The following TBCEL variants were observed in gnomAD, a reference collection of about 807,000 sequenced individuals.
The protein encoded by TBCEL is tubulin-specific chaperone cofactor E-like protein.
Under a neutral mutation model 44.2 loss-of-function variants are expected in TBCEL, and 15 were observed. The ratio of observed to expected loss-of-function variants is 0.34; its 90% CI spans 0.23 to 0.52. TBCEL has a LOEUF of 0.52. Ranked by LOEUF, TBCEL falls within the 20% of genes least tolerant of loss-of-function variation. TBCEL has a pLI of 0.95. For missense variants in TBCEL, 319 were observed against 506.3 expected (o/e 0.63, Z 3.55); for synonymous variants, 171 against 185.4 (o/e 0.92, Z 0.63).
intron 1 of TBCEL, among the ~76,000 whole-genome samples, chr11:121,032,774 C>T (rs1945167263): frequency 6.6e-6 from 1 of 152,208 alleles, no homozygotes; most frequent in African/African-American, 2.4e-5. Flanking sequence ...AGAGCTGAAA[C>T]AAGAAGGCGT....
intron 8 of TBCEL, among the ~76,000 whole-genome samples, chr11:121,083,118 T>C (rs904300214): frequency 2.6e-5 from 4 of 152,214 alleles, no homozygotes; most frequent in African/African-American, 4.8e-5. Flanking sequence ...CAGGAAGGCC[T>C]ACCAGGAGGA....
intron 8 of TBCEL, among the ~76,000 whole-genome samples, chr11:121,085,084 G>C (rs1946191447): frequency 6.6e-6 from 1 of 151,554 alleles, no homozygotes; most frequent in Non-Finnish European, 1.5e-5. Flanking sequence ...TGTCACCCAG[G>C]CTGGAGTGCA....
rs1946251610 is a variant in TBCEL, at chr11:121,088,693, C to A, written c.*1597C>A. On this transcript the variant is annotated 3_prime_UTR_variant, in exon 9 of 9. Coordinates refer to ENST00000683345, the MANE Select transcript of TBCEL (RefSeq NM_001363644.2). ...ATTTTTAGGTGACTTGTAAATTCTT[C>A]ATGTATGAGGAGTTGTGTTTATTAA... is the stretch of plus-strand genomic sequence containing the variant. The A allele has an allele frequency of 6.6e-6, 1 of 152,104 alleles. No individual in the cohort carries two copies. The highest frequency in any genetic ancestry group is 1.5e-5 in the Non-Finnish European group (1 of 68,018). 9.4% of individuals were successfully genotyped at this position (152,104 alleles called of 1,614,324 possible).
chr11:121,060,393 C>T (rs1945700111), intron 8 of TBCEL, among the ~76,000 whole-genome samples: 1 of 151,796 alleles, frequency 6.6e-6, no homozygotes, highest in Admixed American at 6.6e-5. Flanking sequence ...CTTTGGGGTA[C>T]ATTTTTACCT....
At chr11:121,085,899 G>A (rs1340123031) in intron 8 of TBCEL, among the ~76,000 whole-genome samples, 1 of 152,154 alleles carries the variant, frequency 6.6e-6, no homozygotes, top group African/African-American at 2.4e-5. Context: ...GGAGGAAGTA[G>A]GGGGATAATT....
intron 8 of TBCEL, among the ~76,000 whole-genome samples, chr11:121,082,402 T>C (rs543392202): frequency 3.9e-5 from 6 of 152,352 alleles, no homozygotes; most frequent in African/African-American, 1.4e-4. Context: ...TTCTGGTGCT[T>C]TGAGTCTCTC....
intron 4 of TBCEL, among the ~76,000 whole-genome samples, chr11:121,051,429 A>G (rs17245803): frequency 6.6e-6 from 1 of 151,726 alleles, no homozygotes. Context: ...TTCGTGCTTT[A>G]GTTGGAGCAT....
At chr11:121,074,766 C>A (rs148494619) in intron 8 of TBCEL, among the ~76,000 whole-genome samples, 6 of 152,092 alleles carry the variant, frequency 3.9e-5, no homozygotes, top group Non-Finnish European at 7.4e-5. Context: ...CACCACTGAT[C>A]TGTTTTCTGT....
intron 2 of TBCEL, among the ~76,000 whole-genome samples, chr11:121,039,928 A>G (rs572503606): frequency 2.6e-5 from 4 of 152,312 alleles, no homozygotes; most frequent in African/African-American, 9.6e-5. Flanking sequence ...TCGTTGTACA[A>G]ATGGGTCCTT....
intron 6 of TBCEL, among the ~76,000 whole-genome samples, chr11:121,056,874 A>G (rs1375477646): frequency 1.3e-5 from 2 of 151,756 alleles, no homozygotes; most frequent in Admixed American, 6.6e-5. Context: ...TATATTTTGA[A>G]TAACAGTTCT....
In TBCEL at chr11:121,041,911, C is replaced by CAA. The variant is rs201192130; in HGVS notation, c.-17-3747_-17-3746dup. On this transcript the variant is annotated intron_variant, in intron 2 of 8. Transcript: ENST00000683345. ...AAGGTACTTGGTGTTGCTTTTCAGT[C>CAA]AAAAAAAAAAAAAAAAAGAAGTCTT... is the stretch of plus-strand genomic sequence containing the variant. Among the ~76,000 whole-genome samples, 646 of 84,986 alleles carry CAA rather than the reference C, an allele frequency of 7.6e-3. 4 individuals carry two copies. Among genetic ancestry groups the CAA allele is most frequent in the Middle Eastern group, 0.036 (5 of 140 alleles). The allele number at this position is 84,986 out of a possible 152,430, so 55.8% of individuals were successfully genotyped here. A position where few individuals can be genotyped will look rare whatever the true frequency, so the allele number is the denominator to read the frequency against.
chr11:121,046,661 T>C (rs147699760), intron 3 of TBCEL, among the ~76,000 whole-genome samples: 1 of 152,190 alleles, frequency 6.6e-6, no homozygotes, highest in Non-Finnish European at 1.5e-5. Flanking sequence ...ACCATGTAAT[T>C]TGAGGTCTCC....
At chr11:121,037,398 A>T (rs1340425767) in intron 2 of TBCEL, among the ~76,000 whole-genome samples, 3 of 152,232 alleles carry the variant, frequency 2.0e-5, no homozygotes, top group African/African-American at 7.2e-5. Context: ...CATAATGCTC[A>T]AGGGTAATAA....
chr11:121,083,428 C>T (rs1327695633), intron 8 of TBCEL, among the ~76,000 whole-genome samples: 1 of 152,188 alleles, frequency 6.6e-6, no homozygotes, highest in Non-Finnish European at 1.5e-5. Flanking sequence ...ATACGAAAGA[C>T]TAGAAGAGAA....
intron 6 of TBCEL, chr11:121,057,666 C>T: frequency 2.2e-6 from 1 of 450,654 alleles, no homozygotes; most frequent in Non-Finnish European, 4.4e-6. Context: ...TCATTATTCC[C>T]TAAACAATAC....
At chr11:121,081,830 A>G (rs974663144) in intron 8 of TBCEL, among the ~76,000 whole-genome samples, 4 of 151,700 alleles carry the variant, frequency 2.6e-5, no homozygotes, top group African/African-American at 9.7e-5. Flanking sequence ...TTAAGGGAAC[A>G]TATATATATA....
At chr11:121,047,091 A>T (rs556826084) in intron 3 of TBCEL, among the ~76,000 whole-genome samples, 14 of 152,186 alleles carry the variant, frequency 9.2e-5, no homozygotes, top group African/African-American at 3.4e-4. Context: ...AAAGATAAAG[A>T]TACACATCAG....
rs745402184 is a variant in TBCEL at position 121,087,784 on chromosome 11, A to G, written c.*688A>G. On this transcript the variant is annotated 3_prime_UTR_variant, in exon 9 of 9. Coordinates refer to ENST00000683345, the MANE Select transcript of TBCEL (RefSeq NM_001363644.2). ...TTAGAACCTCGAAGAGTAGATGTAGAATGAAAACTCCAGGAAAACTTGCAG... is the reference window on the plus strand; with the variant it reads ...TTAGAACCTCGAAGAGTAGATGTAGGATGAAAACTCCAGGAAAACTTGCAG... The G allele has an allele frequency of 8.5e-5, 13 of 152,196 alleles. No individual in the cohort carries two copies. The highest frequency in any genetic ancestry group is 1.7e-4 in the African/African-American group (7 of 41,456). The allele number at this position is 152,196 out of a possible 1,614,324, so 9.4% of individuals were successfully genotyped here.
rs1304303534 is a variant in TBCEL at position 121,068,936 on chromosome 11, T to C, written c.956+8851T>C. Among the ~76,000 whole-genome samples the C allele has an allele frequency of 2.0e-5, 3 of 151,162 alleles. No individual in the cohort carries two copies. In the East Asian group the frequency reaches 5.8e-4, roughly 29 times the overall value. ...AAACAGAAACTGTCCTTACTGTTCC[T>C]GACACACTTCAAGCACACTCCCTCC... On this transcript the variant is annotated intron_variant, in intron 8 of 8. Coordinates refer to ENST00000683345, the MANE Select transcript of TBCEL (RefSeq NM_001363644.2).
Sources: gnomAD v4.1 joint callset for allele counts (sites outside exome capture counted in the v4.1 genomes callset) on GRCh38, gnomAD v4.1.1 for gene constraint, MANE v1.5 for transcripts, NCBI Gene and HGNC (gene_info 2026-07-23, HGNC 2026-07-21) for gene names.